The following LARP1 variants were observed in gnomAD, a reference collection of about 807,000 sequenced individuals.
The protein encoded by LARP1 is la-related protein 1.
LARP1 carries 36 observed loss-of-function variants against 122.7 expected under a neutral mutation model. The observed-to-expected ratio is 0.29, with a 90% CI of 0.22 to 0.39. LARP1 has a LOEUF of 0.39. Among genes scored for constraint, LARP1 ranks in the 10% least tolerant of loss-of-function variants. The pLI, the probability that LARP1 is intolerant of heterozygous loss-of-function variation, is 1.00. For missense variants in LARP1, 1,040 were observed against 1,403.6 expected, an observed-to-expected ratio of 0.74 and a Z score of 4.14; for synonymous variants, 539 against 528.7, an observed-to-expected ratio of 1.02 and a Z score of -0.27.
At chr5:154,790,566 C>A in intron 2 of LARP1, 79 bp from the exon 3 acceptor site, 2 of 1,510,330 alleles carry the variant, frequency 1.3e-6, no homozygotes, top group South Asian at 1.1e-5. Context: ...CCTCTGATCT[C>A]TTGGTGAAGC....
upstream of LARP1, among the ~76,000 whole-genome samples, chr5:154,707,843 T>C (rs1755025167): frequency 6.6e-6 from 1 of 152,226 alleles, no homozygotes; most frequent in African/African-American, 2.4e-5. Flanking sequence ...CAGAAAACCC[T>C]GCTTCACAAG....
chr5:154,727,172 C>G (rs1271325325), intron 1 of LARP1, among the ~76,000 whole-genome samples: 3 of 152,030 alleles, frequency 2.0e-5, no homozygotes, highest in African/African-American at 7.2e-5. Flanking sequence ...GAAGAGATGA[C>G]AGAAGAGACA....
chr5:154,779,775 T>C (rs1341296047), intron 1 of LARP1, among the ~76,000 whole-genome samples: 7 of 152,106 alleles, frequency 4.6e-5, no homozygotes, highest in Non-Finnish European at 1.5e-5. Context: ...CCCAAAGTGC[T>C]GAGATTACAG....
chr5:154,727,057 A>T lies in LARP1; in HGVS notation c.205+13927A>T, dbSNP rs573943452. Among the ~76,000 whole-genome samples the T allele has an allele frequency of 6.6e-5, 10 of 152,346 alleles. No individual in the cohort carries two copies. The South Asian group carries it at 2.1e-3, about 32-fold the overall frequency. The stretch of plus-strand genomic sequence containing the variant: ...GGGTGGGGAAACAGAGCCAAACCAT[A>T]TCAAAAGTATTCAGCACATATAATA... On this transcript the variant is annotated intron_variant, in intron 1 of 18. Coordinates refer to the LARP1 transcript ENST00000336314.
At chr5:154,701,421 C>A (rs961660869) in intron 1 of LARP1, among the ~76,000 whole-genome samples, 1 of 152,110 alleles carries the variant, frequency 6.6e-6, no homozygotes, top group African/African-American at 2.4e-5. Context: ...CTGGCAACAG[C>A]AACCATATGT....
chr5:154,807,753 T>C (rs1758901635), intron 15 of LARP1, among the ~76,000 whole-genome samples: 1 of 152,138 alleles, frequency 6.6e-6, no homozygotes, highest in African/African-American at 2.4e-5. Flanking sequence ...GGGGTCTCAC[T>C]ATGTTGACCA....
intron 1 of LARP1, among the ~76,000 whole-genome samples, chr5:154,774,575 CT>C (rs1373379543): frequency 6.6e-6 from 1 of 152,164 alleles, no homozygotes; most frequent in Non-Finnish European, 1.5e-5. Flanking sequence ...TTGGTACTAC[CT>C]TTGGGAAGAC....
chr5:154,779,381 C>G (rs868665847), intron 1 of LARP1, among the ~76,000 whole-genome samples: 1 of 152,142 alleles, frequency 6.6e-6, no homozygotes, highest in African/African-American at 2.4e-5. Context: ...GTTAGTACAT[C>G]CAAGAATGGA....
intron 8 of LARP1, among the ~76,000 whole-genome samples, chr5:154,796,911 G>GT (rs980823952): frequency 2.6e-5 from 4 of 152,090 alleles, no homozygotes; most frequent in African/African-American, 7.2e-5. Context: ...TTGGTGGTTT[G>GT]TTTTCGTATC....
At chr5:154,763,430 C>CT (rs1048780020) in intron 1 of LARP1, among the ~76,000 whole-genome samples, 13 of 152,104 alleles carry the variant, frequency 8.5e-5, no homozygotes, top group African/African-American at 3.1e-4. Context: ...TTTAGCAACT[C>CT]TGTCCTTCTA....
Position 154,790,421 on chromosome 5 carries a change from T to C in LARP1, c.498+35T>C, listed in dbSNP as rs1364165372. On this transcript the variant is annotated intron_variant, in intron 2 of 18. Coordinates refer to ENST00000518297, the MANE Select transcript of LARP1 (RefSeq NM_033551.3). ...AACAGTGGGCAACCCAAGGGGACTT[T>C]CTGGAGTTGGTGGCCTCTTTCCTGT... The C allele has an allele frequency of 1.1e-5, 17 of 1,595,022 alleles. 1 individual carries two copies. The East Asian group carries it at 3.8e-4, about 36-fold the overall frequency.
chr5:154,708,011 C>A (rs775227910), upstream of LARP1, among the ~76,000 whole-genome samples: 24 of 152,196 alleles, frequency 1.6e-4, no homozygotes, highest in Non-Finnish European at 2.9e-4. Flanking sequence ...AGTTGATCCG[C>A]TTCTAGCATG....
intron 1 of LARP1, among the ~76,000 whole-genome samples, chr5:154,771,895 C>T (rs963430029): frequency 6.6e-6 from 1 of 152,198 alleles, no homozygotes; most frequent in Non-Finnish European, 1.5e-5. Flanking sequence ...GGAAGGCTGT[C>T]TGGCTTTGTG....
At chr5:154,723,560 G>T (rs6580111) in intron 1 of LARP1, among the ~76,000 whole-genome samples, 4 of 152,024 alleles carry the variant, frequency 2.6e-5, no homozygotes, top group Non-Finnish European at 4.4e-5. Context: ...TTCTAGTTCT[G>T]GCTGTACCAC....
At chr5:154,727,593 TA>T (rs1404376907) in intron 1 of LARP1, among the ~76,000 whole-genome samples, 1 of 152,208 alleles carries the variant, frequency 6.6e-6, no homozygotes, top group East Asian at 1.9e-4. Context: ...ATGTGGTGAC[TA>T]AAGTTAGCAA....
intron 1 of LARP1, among the ~76,000 whole-genome samples, chr5:154,744,552 C>T (rs940065639): frequency 6.7e-6 from 1 of 149,374 alleles, no homozygotes; most frequent in African/African-American, 2.5e-5. Flanking sequence ...TGAAATTGGC[C>T]AGAGGACTGA....
At chr5:154,796,853 A>C (rs1757902208) in intron 8 of LARP1, among the ~76,000 whole-genome samples, 1 of 152,218 alleles carries the variant, frequency 6.6e-6, no homozygotes, top group Admixed American at 6.5e-5. Flanking sequence ...GCCAGTTTGC[A>C]TAATTATGAG....
At chr5:154,729,370 A>G (rs1054486078) in intron 1 of LARP1, 18 of 310,290 alleles carry the variant, frequency 5.8e-5, no homozygotes, top group African/African-American at 4.0e-4. Flanking sequence ...ATACTGTTCA[A>G]AAAGGAATAC....
At chr5:154,791,506 G>A (rs754958921) in intron 3 of LARP1, among the ~76,000 whole-genome samples, 9 of 152,214 alleles carry the variant, frequency 5.9e-5, no homozygotes, top group East Asian at 1.9e-4. Flanking sequence ...ACTGTCCCCA[G>A]CCCCCTAGCC....
Sources: gnomAD v4.1 joint callset for allele counts (sites outside exome capture counted in the v4.1 genomes callset) on GRCh38, gnomAD v4.1.1 for gene constraint, MANE v1.5 for transcripts, NCBI Gene and HGNC (gene_info 2026-07-23, HGNC 2026-07-21) for gene names.